The following PDE4D variants were observed in gnomAD, a reference collection of about 807,000 sequenced individuals.
PDE4D encodes 3',5'-cyclic-AMP phosphodiesterase 4D.
PDE4D carries 24 observed loss-of-function variants against 87.4 expected under a neutral mutation model. That is an observed-to-expected ratio of 0.27 (90% CI 0.20 to 0.39). The LOEUF (loss-of-function observed/expected upper bound fraction) is 0.39. Among genes scored for constraint, PDE4D ranks in the 10% least tolerant of loss-of-function variants. PDE4D has a pLI of 1.00. For missense variants in PDE4D, 714 were observed against 1,041.0 expected, an observed-to-expected ratio of 0.69 and a Z score of 4.32; for synonymous variants, 384 against 383.2, an observed-to-expected ratio of 1.00 and a Z score of -0.02.
intron 1 of PDE4D, among the ~76,000 whole-genome samples, chr5:59,229,077 CTTTG>C (rs775786974): frequency 5.3e-5 from 8 of 151,560 alleles, no homozygotes; most frequent in South Asian, 4.2e-4. Flanking sequence ...TTCTGATGAA[CTTTG>C]TTTTTTACTT....
chr5:59,752,643 T>C (rs1361584152), intron 1 of PDE4D, among the ~76,000 whole-genome samples: 1 of 152,106 alleles, frequency 6.6e-6, no homozygotes, highest in African/African-American at 2.4e-5. Flanking sequence ...ATTTTGAATT[T>C]TCACCTCATG....
chr5:59,124,345 T>G (rs1237998907), intron 5 of PDE4D, among the ~76,000 whole-genome samples: 2 of 152,202 alleles, frequency 1.3e-5, no homozygotes, highest in Admixed American at 6.5e-5. Flanking sequence ...AGTCCTAAAC[T>G]GCTCACCAGC....
At chr5:60,331,348 C>T (rs564668456) in intron 1 of PDE4D, among the ~76,000 whole-genome samples, 27 of 152,304 alleles carry the variant, frequency 1.8e-4, no homozygotes, top group Middle Eastern at 3.4e-3. Flanking sequence ...ACATATGCAA[C>T]GCACCTAAGA....
At chr5:59,848,219 G>C (rs539623385) in intron 1 of PDE4D, among the ~76,000 whole-genome samples, 1 of 151,952 alleles carries the variant, frequency 6.6e-6, no homozygotes, top group African/African-American at 2.4e-5. Flanking sequence ...TATGCCTTTG[G>C]GATATCTGAT....
At chr5:60,278,279 C>T (rs1243436915) in intron 1 of PDE4D, among the ~76,000 whole-genome samples, 3 of 152,102 alleles carry the variant, frequency 2.0e-5, no homozygotes, top group African/African-American at 7.2e-5. Flanking sequence ...AATCTACTGC[C>T]ATTTCATTGA....
chr5:60,140,771 TG>T (rs1409388502), intron 2 of PDE4D, among the ~76,000 whole-genome samples: 1 of 152,118 alleles, frequency 6.6e-6, no homozygotes, highest in Non-Finnish European at 1.5e-5. Flanking sequence ...GAATGGATAA[TG>T]GGTCCTCAGC....
At chr5:59,312,824 T>C (rs575104857) in intron 1 of PDE4D, among the ~76,000 whole-genome samples, 6 of 152,176 alleles carry the variant, frequency 3.9e-5, no homozygotes, top group South Asian at 2.1e-4. Context: ...GGCTCAACTA[T>C]TGGCTGCTTT....
At chr5:58,978,476 C>G (rs937894004) in intron 11 of PDE4D, among the ~76,000 whole-genome samples, 1 of 151,498 alleles carries the variant, frequency 6.6e-6, no homozygotes, top group Admixed American at 6.6e-5. Context: ...TTTTTTCTAA[C>G]GAATGCATAG....
rs570822743 is a variant in PDE4D at position 59,836,685 on chromosome 5, C to T, written c.455+56483G>A. ...TCTATCTACCTATCTATCTATCTAC[C>T]TATCTATCTATGTATCTGTCTATCT... On this transcript the variant is annotated intron_variant, in intron 1 of 14. Transcript: ENST00000340635. Among the ~76,000 whole-genome samples the T allele has an allele frequency of 7.3e-5, 11 of 151,150 alleles. No homozygotes were observed. The South Asian group carries it at 2.3e-3, about 31-fold the overall frequency.
intron 3 of PDE4D, among the ~76,000 whole-genome samples, chr5:59,926,530 G>A (rs1755306903): frequency 6.6e-6 from 1 of 152,070 alleles, no homozygotes; most frequent in African/African-American, 2.4e-5. Flanking sequence ...AAATGAAATT[G>A]AAATGAAGAA....
At chr5:60,271,649 C>T (rs1160070786) in intron 1 of PDE4D, among the ~76,000 whole-genome samples, 3 of 152,154 alleles carry the variant, frequency 2.0e-5, no homozygotes, top group African/African-American at 7.2e-5. Context: ...TCCAAGACTT[C>T]CCTGCGCTAA....
At chr5:59,306,407 T>C (rs1173780355) in intron 1 of PDE4D, among the ~76,000 whole-genome samples, 1 of 152,222 alleles carries the variant, frequency 6.6e-6, no homozygotes, top group African/African-American at 2.4e-5. Flanking sequence ...TATCGAAATG[T>C]GAGGTACCAT....
At chr5:59,155,396 T>TAAG (rs1034961503) in intron 5 of PDE4D, among the ~76,000 whole-genome samples, 3 of 152,124 alleles carry the variant, frequency 2.0e-5, no homozygotes, top group Admixed American at 6.6e-5. Flanking sequence ...AGAAAGAGTT[T>TAAG]AAGAAGAAGA....
At chr5:59,219,236 T>C (rs967712817) in intron 1 of PDE4D, among the ~76,000 whole-genome samples, 1 of 151,888 alleles carries the variant, frequency 6.6e-6, no homozygotes, top group Non-Finnish European at 1.5e-5. Context: ...TGAGAAGACT[T>C]AATTGAATTT....
chr5:59,501,589 G>A (rs1387213771), intron 1 of PDE4D, among the ~76,000 whole-genome samples: 1 of 152,192 alleles, frequency 6.6e-6, no homozygotes, highest in Non-Finnish European at 1.5e-5. Context: ...GGGGAGGAAA[G>A]AGGAAAATAG....
chr5:59,474,165 A>G (rs1452326723), intron 1 of PDE4D, among the ~76,000 whole-genome samples: 1 of 152,144 alleles, frequency 6.6e-6, no homozygotes, highest in African/African-American at 2.4e-5. Flanking sequence ...AACAAGAGCA[A>G]TTCAGTGTTA....
At chr5:59,716,771 A>G (rs1755093391) in intron 1 of PDE4D, among the ~76,000 whole-genome samples, 1 of 152,172 alleles carries the variant, frequency 6.6e-6, no homozygotes, top group South Asian at 2.1e-4. Context: ...GTTCCAGGAC[A>G]CTGCTTTTGG....
chr5:59,402,778 A>AT (rs199982944), intron 1 of PDE4D, among the ~76,000 whole-genome samples: 15 of 151,512 alleles, frequency 9.9e-5, no homozygotes, highest in African/African-American at 1.5e-4. Context: ...CTCTCAAACT[A>AT]TTTTTTTTTA....
chr5:59,334,257 T>C (rs1475332842), intron 1 of PDE4D, among the ~76,000 whole-genome samples: 1 of 69,672 alleles, frequency 1.4e-5, no homozygotes, highest in Non-Finnish European at 3.9e-5. Context: ...GTTTTTTTTT[T>C]TTTTTTTTTT....
Sources: gnomAD v4.1 joint callset for allele counts (sites outside exome capture counted in the v4.1 genomes callset) on GRCh38, gnomAD v4.1.1 for gene constraint, MANE v1.5 for transcripts, NCBI Gene and HGNC (gene_info 2026-07-23, HGNC 2026-07-21) for gene names.